Variants in TASP1 observed in about 807,000 individuals in gnomAD.
TASP1 encodes threonine aspartase 1.
TASP1 carries 16 observed loss-of-function variants against 56.6 expected under a neutral mutation model. That is an observed-to-expected ratio of 0.28 (90% CI 0.19 to 0.43). TASP1 has a LOEUF of 0.43. Ranked by LOEUF, TASP1 falls within the 20% of genes least tolerant of loss-of-function variation. The pLI is 1.00. For synonymous variants in TASP1, 179 were observed against 184.2 expected (o/e 0.97, Z 0.23); for missense variants, 393 against 511.6 (o/e 0.77, Z 2.24).
chr20:13,341,765 G>C, the TASP1 span, among the ~76,000 whole-genome samples: 1 of 152,174 alleles, frequency 6.6e-6, no homozygotes, highest in South Asian at 2.1e-4. Flanking sequence ...CTTCTCATCT[G>C]AGCTGGCTTG....
At chr20:13,484,146 G>C (rs2043238918) in intron 10 of TASP1, among the ~76,000 whole-genome samples, 1 of 152,112 alleles carries the variant, frequency 6.6e-6, no homozygotes, top group Non-Finnish European at 1.5e-5. Flanking sequence ...TCATTAAAAA[G>C]TCAAGAAACA....
chr20:13,268,240 C>G, the TASP1 span, among the ~76,000 whole-genome samples: 1 of 150,930 alleles, frequency 6.6e-6, no homozygotes, highest in Admixed American at 6.6e-5. Context: ...TCTATTCTTT[C>G]TCTTCTCTTC....
At chr20:13,235,310 C>A in the TASP1 span, among the ~76,000 whole-genome samples, 1 of 152,188 alleles carries the variant, frequency 6.6e-6, no homozygotes, top group African/African-American at 2.4e-5. Flanking sequence ...ATTTCATCAG[C>A]CAAAGCAAGT....
intron 12 of TASP1, among the ~76,000 whole-genome samples, chr20:13,423,516 A>G (rs2042517624): frequency 6.6e-6 from 1 of 152,226 alleles, no homozygotes; most frequent in Non-Finnish European, 1.5e-5. Context: ...TCTACAAGAT[A>G]GCTTGGCTAA....
At chr20:13,231,574 C>T in the TASP1 span, among the ~76,000 whole-genome samples, 1 of 152,160 alleles carries the variant, frequency 6.6e-6, no homozygotes, top group South Asian at 2.1e-4. Flanking sequence ...CAGCACGTGT[C>T]CCTGGAAAGT....
chr20:13,383,658 T>C, the TASP1 span, among the ~76,000 whole-genome samples: 1 of 152,170 alleles, frequency 6.6e-6, no homozygotes, highest in East Asian at 1.9e-4. Flanking sequence ...AAAGATGCTG[T>C]AGAGAGGCTC....
the TASP1 span, chr20:13,368,646 C>A: frequency 6.6e-6 from 1 of 152,180 alleles, no homozygotes; most frequent in Non-Finnish European, 1.5e-5. Flanking sequence ...ATTAGCTGAT[C>A]CACACTGGAA....
the TASP1 span, chr20:13,299,482 A>T: frequency 1.9e-6 from 3 of 1,574,498 alleles, no homozygotes; most frequent in African/African-American, 4.0e-5. The surrounding 1 kb of genome is among the most constrained non-coding windows in gnomAD (Gnocchi z 5.8). Context: ...GAGGTGGAGG[A>T]CGCTGCCTCT....
intron 4 of TASP1, among the ~76,000 whole-genome samples, chr20:13,602,158 C>T (rs566887190): frequency 1.3e-5 from 2 of 151,722 alleles, no homozygotes; most frequent in South Asian, 2.1e-4. Flanking sequence ...GGATTACAGG[C>T]GTGAGCCACC....
At chr20:13,220,464 C>T in the TASP1 span, among the ~76,000 whole-genome samples, 15,785 of 152,236 alleles carry the variant, frequency 0.1, 1,139 homozygotes, top group East Asian at 0.29. Context: ...TGCGCGACGC[C>T]AGCCCCCAAA....
rs548518986 is a variant in TASP1, at chr20:13,625,660, A to G, written c.146-408T>C. 3.1e-3 allele frequency among the ~76,000 whole-genome samples: 476 copies of G among 152,340 alleles called. 5 individuals carry two copies. The highest frequency in any genetic ancestry group is 3.2e-3 in the Non-Finnish European group (215 of 68,032). ...GCCATTTGGGAAGTTACTGTTTCAA[A>G]TCCAGAATTCATAAGAGTAATTCAG... On this transcript the variant is annotated intron_variant, in intron 2 of 13. Transcript: ENST00000337743.
At chr20:13,484,347 C>T (rs572555314) in intron 10 of TASP1, among the ~76,000 whole-genome samples, 1 of 152,286 alleles carries the variant, frequency 6.6e-6, no homozygotes, top group South Asian at 2.1e-4. Flanking sequence ...ACTATAAAGA[C>T]ACATGCACCC....
At chr20:13,632,268 G>C (rs1007712989) in intron 1 of TASP1, among the ~76,000 whole-genome samples, 1 of 147,964 alleles carries the variant, frequency 6.8e-6, no homozygotes, top group African/African-American at 2.5e-5. Context: ...GCTGAGGCAG[G>C]AGAATTGCTT....
At chr20:13,107,399 A>G in the TASP1 span, among the ~76,000 whole-genome samples, 1 of 152,192 alleles carries the variant, frequency 6.6e-6, no homozygotes, top group Non-Finnish European at 1.5e-5. Flanking sequence ...AGAAAAACTA[A>G]TGAAAAATGG....
intron 11 of TASP1, among the ~76,000 whole-genome samples, chr20:13,451,418 A>C (rs2043612834): frequency 6.6e-6 from 1 of 152,112 alleles, no homozygotes; most frequent in Non-Finnish European, 1.5e-5. Context: ...TGCCTTCAAA[A>C]TCTGTTGTTT....
chr20:13,596,996 C>A (rs1301765471), intron 4 of TASP1, among the ~76,000 whole-genome samples: 1 of 152,142 alleles, frequency 6.6e-6, no homozygotes, highest in African/African-American at 2.4e-5. Flanking sequence ...GAAGTTGAAT[C>A]TCTAAATAGA....
chr20:13,456,393 T>G (rs1568825717), intron 11 of TASP1, among the ~76,000 whole-genome samples: 2 of 152,132 alleles, frequency 1.3e-5, no homozygotes, highest in Non-Finnish European at 2.9e-5. Context: ...TTGTGAAAGT[T>G]TTGATGGAAA....
At chr20:13,270,464 G>T in the TASP1 span, 5 of 1,572,810 alleles carry the variant, frequency 3.2e-6, no homozygotes, top group Non-Finnish European at 4.3e-6. Flanking sequence ...TTTTAATCAT[G>T]TGTCTCCTTA....
the TASP1 span, among the ~76,000 whole-genome samples, chr20:13,107,467 A>G: frequency 1.3e-5 from 2 of 152,298 alleles, no homozygotes; most frequent in Non-Finnish European, 2.9e-5. Flanking sequence ...ATTGTGTCAA[A>G]TGCTGCCCAC....
Sources: allele counts gnomAD v4.1 joint callset (sites outside exome capture counted in the v4.1 genomes callset), GRCh38; gene constraint gnomAD v4.1.1; non-coding constraint Gnocchi (gnomAD v3.1); transcripts MANE v1.5; gene names NCBI Gene and HGNC (gene_info 2026-07-23, HGNC 2026-07-21).